The following HS3ST1 variants were observed in gnomAD, a reference collection of about 807,000 sequenced individuals.
HS3ST1 encodes heparan sulfate glucosamine 3-O-sulfotransferase 1.
In HS3ST1, 8 loss-of-function variants were observed where a neutral mutation model predicts 20.7. The observed-to-expected ratio is 0.39, with a 90% CI of 0.23 to 0.70. The LOEUF (loss-of-function observed/expected upper bound fraction) is 0.70, where lower values mean the gene tolerates loss of function less well. HS3ST1 is among the 30% of genes least tolerant of loss of function. The pLI is 0.46. For missense variants in HS3ST1, 436 were observed against 423.4 expected (o/e 1.03, Z -0.26); for synonymous variants, 205 against 190.4 (o/e 1.08, Z -0.63).
chr4:11,418,546 AC>A (rs2108888478), intron 1 of HS3ST1, among the ~76,000 whole-genome samples: 1 of 152,348 alleles, frequency 6.6e-6, no homozygotes, highest in South Asian at 2.1e-4. Context: ...ACCCAGAGCC[AC>A]CATGAATTTC....
Position 11,399,116 on chromosome 4 carries a change from A to G in HS3ST1, c.890T>C (p.Phe297Ser), listed in dbSNP as rs757430896. The change falls in exon 2 of 2, where the codon TTC becomes TCC. Residue 297 changes from phenylalanine to serine, a missense_variant. Phe to Ser is a radical substitution (Grantham distance 155). Transcript: ENST00000002596. This position sits in a 1 kb window ranked among gnomAD's most constrained non-coding sequence, Gnocchi z 5.1. Reference sequence around the variant, plus strand: ...GTCAAATGTTCTGCCAACAAGCTCGAAGAACTTCTTATTTGGCTCATGAAA... The same window carrying G: ...GTCAAATGTTCTGCCAACAAGCTCGGAGAACTTCTTATTTGGCTCATGAAA... ...EYFHEPNKKF[F>S]ELVGRTFDWH is the part of the protein sequence containing the mutation. 1 of 1,613,814 alleles carries G rather than the reference A, an allele frequency of 6.2e-7. No homozygotes were observed. Among genetic ancestry groups the G allele is most frequent in the Non-Finnish European group, 8.5e-7 (1 of 1,179,712 alleles).
chr4:11,427,673 C>G (rs1719095647), intron 1 of HS3ST1, among the ~76,000 whole-genome samples: 1 of 152,206 alleles, frequency 6.6e-6, no homozygotes, highest in Non-Finnish European at 1.5e-5. Context: ...CCCAAGAGAG[C>G]GCCCTGAGTG....
At chr4:11,402,878 A>G (rs1378509480) in intron 1 of HS3ST1, among the ~76,000 whole-genome samples, 1 of 152,246 alleles carries the variant, frequency 6.6e-6, no homozygotes, top group East Asian at 1.9e-4. Context: ...CAGACAGTAG[A>G]GAAGAAACTA....
intron 1 of HS3ST1, among the ~76,000 whole-genome samples, chr4:11,409,263 T>G (rs908890024): frequency 5.3e-5 from 8 of 152,214 alleles, no homozygotes; most frequent in African/African-American, 1.9e-4. Flanking sequence ...TTGTTTCCCC[T>G]GAAACAATTT....
chr4:11,412,863 C>A (rs1402412814), intron 1 of HS3ST1, among the ~76,000 whole-genome samples: 1 of 152,194 alleles, frequency 6.6e-6, no homozygotes, highest in East Asian at 1.9e-4. Context: ...ATGTTAAAAT[C>A]AAATCCCCAT....
At chr4:11,425,043 AAATT>A (rs1719027700) in intron 1 of HS3ST1, among the ~76,000 whole-genome samples, 2 of 152,316 alleles carry the variant, frequency 1.3e-5, no homozygotes, top group African/African-American at 4.8e-5. Context: ...TACCTTTAGA[AAATT>A]AATTAAGTTT....
At chr4:11,408,612 C>G (rs961963540) in intron 1 of HS3ST1, among the ~76,000 whole-genome samples, 4 of 152,208 alleles carry the variant, frequency 2.6e-5, no homozygotes, top group African/African-American at 9.6e-5. Flanking sequence ...AGTTACTTCT[C>G]AACATGTTTA....
chr4:11,401,729 C>A (rs1718331435), intron 1 of HS3ST1, among the ~76,000 whole-genome samples: 1 of 152,200 alleles, frequency 6.6e-6, no homozygotes, highest in Admixed American at 6.5e-5. Flanking sequence ...AAATTGAAAA[C>A]TCTAAACTCA....
upstream of HS3ST1, among the ~76,000 whole-genome samples, chr4:11,433,828 G>A (rs1017813712): frequency 2.0e-5 from 3 of 152,188 alleles, no homozygotes; most frequent in African/African-American, 7.2e-5. Flanking sequence ...GCTCACAGAT[G>A]TGCATTAACA....
At chr4:11,417,888 G>C (rs897443392) in intron 1 of HS3ST1, among the ~76,000 whole-genome samples, 1 of 152,230 alleles carries the variant, frequency 6.6e-6, no homozygotes, top group Non-Finnish European at 1.5e-5. Flanking sequence ...AAGTGTAATT[G>C]TTGCCCAAAG....
At chr4:11,425,389 A>G (rs1314863667) in intron 1 of HS3ST1, among the ~76,000 whole-genome samples, 1 of 152,190 alleles carries the variant, frequency 6.6e-6, no homozygotes, top group Non-Finnish European at 1.5e-5. Context: ...ATTAATTAAC[A>G]TCAGGGCCCT....
At position 11,394,018 on chromosome 4, in the gene HS3ST1, A is replaced by C. The variant is rs1718073020; in HGVS notation, c.*5064T>G. On this transcript the variant is annotated 3_prime_UTR_variant, in exon 2 of 2. Transcript: ENST00000002596. Reference sequence around the variant, plus strand: ...CACATAGCTGGGAAGCAGAGGAGGAAAAAAGGCAGCGCATTTCTGCCGACT... The same window carrying C: ...CACATAGCTGGGAAGCAGAGGAGGACAAAAGGCAGCGCATTTCTGCCGACT... 6.6e-6 allele frequency: 1 copy of C among 152,216 alleles called. No individual in the cohort carries two copies. Among genetic ancestry groups the C allele is most frequent in the African/African-American group, 2.4e-5 (1 of 41,450 alleles). 9.4% of individuals were successfully genotyped at this position (152,216 alleles called of 1,614,324 possible).
chr4:11,408,706 G>A (rs1242133506), intron 1 of HS3ST1, among the ~76,000 whole-genome samples: 2 of 152,246 alleles, frequency 1.3e-5, no homozygotes, highest in South Asian at 2.1e-4. Flanking sequence ...CAGGCACTGT[G>A]CAGCAGAGCT....
In HS3ST1 at chr4:11,401,364, T is replaced by TA. The variant is rs1553856203; in HGVS notation, c.-108-1252dup. On this transcript the variant is annotated intron_variant, in intron 1 of 1. Coordinates refer to ENST00000002596, the MANE Select transcript of HS3ST1 (RefSeq NM_005114.4). ...GTCACCGCCATTTTTTTTTTTTTTT[T>TA]ATGGAGTTTTGCTCTTGTTGCTCAG... Among the ~76,000 whole-genome samples the TA allele has an allele frequency of 5.8e-3, 885 of 151,452 alleles. 7 individuals carry two copies. The highest frequency in any genetic ancestry group is 0.02 in the African/African-American group (843 of 41,200).
upstream of HS3ST1, among the ~76,000 whole-genome samples, chr4:11,430,819 A>G (rs1719188877): frequency 3.3e-5 from 5 of 152,210 alleles, no homozygotes; most frequent in Admixed American, 2.0e-4. Context: ...AAGTGACAGG[A>G]ATTTGAGGAC....
chr4:11,415,692 A>G (rs1718758747), intron 1 of HS3ST1, among the ~76,000 whole-genome samples: 1 of 152,252 alleles, frequency 6.6e-6, no homozygotes, highest in Non-Finnish European at 1.5e-5. Context: ...AAGCAGAATA[A>G]AAAGCCTAAA....
chr4:11,410,638 A>G (rs528145939), intron 1 of HS3ST1, among the ~76,000 whole-genome samples: 2 of 152,148 alleles, frequency 1.3e-5, no homozygotes, highest in Admixed American at 6.5e-5. Flanking sequence ...TATGCCTGTA[A>G]TCCCAGCACT....
chr4:11,418,278 A>G (rs1283163719), intron 1 of HS3ST1, among the ~76,000 whole-genome samples: 3 of 152,204 alleles, frequency 2.0e-5, no homozygotes, highest in Non-Finnish European at 4.4e-5. Flanking sequence ...CTGCTTTTCA[A>G]TCAAAATCAG....
At chr4:11,410,813 A>T (rs1718606925) in intron 1 of HS3ST1, among the ~76,000 whole-genome samples, 1 of 152,076 alleles carries the variant, frequency 6.6e-6, no homozygotes, top group South Asian at 2.1e-4. Context: ...AATTGCTTGA[A>T]CCTGGGAGGC....
Sources: allele counts gnomAD v4.1 joint callset (sites outside exome capture counted in the v4.1 genomes callset), GRCh38; gene constraint gnomAD v4.1.1; non-coding constraint Gnocchi (gnomAD v3.1); transcripts MANE v1.5; gene names NCBI Gene and HGNC (gene_info 2026-07-23, HGNC 2026-07-21).